The following ARSB variants were observed in gnomAD, a reference collection of about 807,000 sequenced individuals.
The protein encoded by ARSB is N-acetylgalactosamine-4-sulfatase.
Under a neutral mutation model 50.9 loss-of-function variants are expected in ARSB, and 41 were observed. That is an observed-to-expected ratio of 0.81 (90% CI 0.63 to 1.04). The LOEUF is 1.04. ARSB is among the 50% of genes least tolerant of loss of function. The pLI is 0.00. For missense variants in ARSB, 672 were observed against 693.3 expected (o/e 0.97, Z 0.35); for synonymous variants, 269 against 284.8 (o/e 0.94, Z 0.56).
At chr5:78,916,930 T>C (rs1429766848) in intron 4 of ARSB, among the ~76,000 whole-genome samples, 1 of 152,188 alleles carries the variant, frequency 6.6e-6, no homozygotes, top group Non-Finnish European at 1.5e-5. Context: ...CCTGCTCCTA[T>C]AAAGCTGAAT....
chr5:78,863,051 A>C (rs1746528051), intron 5 of ARSB, among the ~76,000 whole-genome samples: 2 of 152,216 alleles, frequency 1.3e-5, no homozygotes, highest in Non-Finnish European at 2.9e-5. Context: ...TCAAAACCAC[A>C]ATGAGATACT....
intron 4 of ARSB, among the ~76,000 whole-genome samples, chr5:78,906,205 T>C (rs1749060564): frequency 6.6e-6 from 1 of 151,484 alleles, no homozygotes; most frequent in African/African-American, 2.4e-5. Flanking sequence ...TAGTGGTGCA[T>C]GACTGCAGTC....
intron 5 of ARSB, among the ~76,000 whole-genome samples, chr5:78,853,245 C>A (rs1484859993): frequency 2.0e-5 from 3 of 152,120 alleles, no homozygotes; most frequent in Admixed American, 6.5e-5. Flanking sequence ...GTGTGGATGT[C>A]CTTTCTGTTT....
At position 78,786,719 on chromosome 5, in the gene ARSB, A is replaced by G. The variant is rs144836443; in HGVS notation, c.1214-4745T>C. ...ACTGCATCCTTAAACTCCTAGGCTCAAGCGATCCTCTCACCTTAGCCTCCA... is the reference window on the plus strand; with the variant it reads ...ACTGCATCCTTAAACTCCTAGGCTCGAGCGATCCTCTCACCTTAGCCTCCA... On this transcript the variant is annotated intron_variant, in intron 6 of 7. Coordinates refer to ENST00000264914, the MANE Select transcript of ARSB (RefSeq NM_000046.5). Among the ~76,000 whole-genome samples, 405 of 152,328 alleles carry G rather than the reference A, an allele frequency of 2.7e-3. 4 individuals carry two copies. The highest frequency in any genetic ancestry group is 0.016 in the Admixed American group (243 of 15,298).
At chr5:78,866,491 G>A (rs938541963) in intron 5 of ARSB, among the ~76,000 whole-genome samples, 4 of 152,138 alleles carry the variant, frequency 2.6e-5, no homozygotes, top group South Asian at 2.1e-4. Context: ...CTCAAATAAC[G>A]TCTGATAAGA....
In ARSB at chr5:78,785,557, G is replaced by A. The variant is rs563107990; in HGVS notation, c.1214-3583C>T. On this transcript the variant is annotated intron_variant, in intron 6 of 7. Coordinates refer to ENST00000264914, the MANE Select transcript of ARSB (RefSeq NM_000046.5). ...TTAAATCTACTTTATCTGATGTATA[G>A]ATAGCTCAGTTTTTAGCTGTCATTG... Among the ~76,000 whole-genome samples, 86 of 138,108 alleles carry A rather than the reference G, an allele frequency of 6.2e-4. 1 individual carries two copies. Among genetic ancestry groups the A allele is most frequent in the African/African-American group, 2.7e-3 (82 of 30,854 alleles). 90.6% of individuals were successfully genotyped at this position (138,108 alleles called of 152,430 possible). A position where few individuals can be genotyped will look rare whatever the true frequency, so the allele number is the denominator to read the frequency against.
At chr5:78,881,142 G>A (rs1561479703) in intron 5 of ARSB, among the ~76,000 whole-genome samples, 1 of 152,026 alleles carries the variant, frequency 6.6e-6, no homozygotes, top group Non-Finnish European at 1.5e-5. Flanking sequence ...TGAGACATGA[G>A]AACCGCTTGA....
chr5:78,850,318 A>G (rs1365423845), intron 5 of ARSB, among the ~76,000 whole-genome samples: 1 of 152,164 alleles, frequency 6.6e-6, no homozygotes, highest in African/African-American at 2.4e-5. Flanking sequence ...TGAGATAATC[A>G]TGTGGTTTTT....
chr5:78,953,516 C>T (rs1031065108), intron 4 of ARSB, among the ~76,000 whole-genome samples: 5 of 152,212 alleles, frequency 3.3e-5, no homozygotes, highest in African/African-American at 4.8e-5. Context: ...ACAAATGCCA[C>T]GTTCAATAAC....
At chr5:78,880,118 C>T (rs1747677737) in intron 5 of ARSB, among the ~76,000 whole-genome samples, 1 of 152,128 alleles carries the variant, frequency 6.6e-6, no homozygotes, top group African/African-American at 2.4e-5. Flanking sequence ...AAGAGATTGG[C>T]CGCTAGGAGA....
chr5:78,915,198 C>G (rs926914887), intron 4 of ARSB, among the ~76,000 whole-genome samples: 2 of 152,156 alleles, frequency 1.3e-5, no homozygotes, highest in African/African-American at 4.8e-5. Context: ...TTCCTGGATA[C>G]CTTTTTGAGT....
intron 4 of ARSB, among the ~76,000 whole-genome samples, chr5:78,906,284 G>T (rs975802905): frequency 6.6e-6 from 1 of 152,146 alleles, no homozygotes; most frequent in Non-Finnish European, 1.5e-5. Flanking sequence ...AGTGAGCTAT[G>T]GTTACACCAC....
chr5:78,863,049 A>G (rs1376502116), intron 5 of ARSB, among the ~76,000 whole-genome samples: 2 of 152,230 alleles, frequency 1.3e-5, no homozygotes, highest in African/African-American at 4.8e-5. Context: ...AATCAAAACC[A>G]CAATGAGATA....
At chr5:78,780,782 C>T (rs1399731735) in intron 7 of ARSB, 120 bp from the exon 8 acceptor site, 9 of 1,220,340 alleles carry the variant, frequency 7.4e-6, no homozygotes, top group Middle Eastern at 2.3e-4. Flanking sequence ...TAAAAAGATG[C>T]GGCCCTAGAT....
intron 4 of ARSB, among the ~76,000 whole-genome samples, chr5:78,909,260 T>G (rs1244776874): frequency 1.3e-5 from 2 of 152,186 alleles, no homozygotes; most frequent in Non-Finnish European, 2.9e-5. Context: ...GTACTTGACT[T>G]AGTAAAAATT....
At chr5:78,842,478 G>A (rs1745269290) in intron 5 of ARSB, among the ~76,000 whole-genome samples, 1 of 152,156 alleles carries the variant, frequency 6.6e-6, no homozygotes, top group East Asian at 1.9e-4. Context: ...CCTGCGCAGG[G>A]CCCACTGTCT....
intron 3 of ARSB, among the ~76,000 whole-genome samples, chr5:78,963,170 C>T (rs182199495): frequency 6.6e-6 from 1 of 152,250 alleles, no homozygotes; most frequent in Admixed American, 6.5e-5. Context: ...AAGAGCCTGG[C>T]ATCTCTCTCT....
chr5:78,830,239 A>G (rs957078356), intron 6 of ARSB, among the ~76,000 whole-genome samples: 7 of 150,904 alleles, frequency 4.6e-5, no homozygotes, highest in East Asian at 3.9e-4. Context: ...AACCCTGGGG[A>G]AAAAAAAACA....
At chr5:78,904,240 G>C (rs1748932919) in intron 4 of ARSB, among the ~76,000 whole-genome samples, 1 of 152,222 alleles carries the variant, frequency 6.6e-6, no homozygotes, top group African/African-American at 2.4e-5. Context: ...CTATTTGCTA[G>C]TTGAAGGACA....
Sources: allele counts gnomAD v4.1 joint callset (sites outside exome capture counted in the v4.1 genomes callset), GRCh38; gene constraint gnomAD v4.1.1; transcripts MANE v1.5; gene names NCBI Gene and HGNC (gene_info 2026-07-23, HGNC 2026-07-21).